MAP2K6: variants seen among roughly 807,000 people sequenced by gnomAD.
MAP2K6 encodes dual specificity mitogen-activated protein kinase kinase 6.
A neutral mutation model predicts 53.7 loss-of-function variants in MAP2K6; 16 were observed. That is an observed-to-expected ratio of 0.30 (90% CI 0.20 to 0.45). MAP2K6 has a LOEUF of 0.45. Among genes scored for constraint, MAP2K6 ranks in the 20% least tolerant of loss-of-function variants. MAP2K6 has a pLI of 1.00. For synonymous variants in MAP2K6, 132 were observed against 143.1 expected (o/e 0.92, Z 0.55); for missense variants, 204 against 411.9 (o/e 0.50, Z 4.37).
At chr17:69,438,094 G>T (rs1045222367) in intron 1 of MAP2K6, among the ~76,000 whole-genome samples, 2 of 152,274 alleles carry the variant, frequency 1.3e-5, no homozygotes, top group Admixed American at 1.3e-4. Flanking sequence ...TGTTGCTCCT[G>T]TGGTGGAATC....
chr17:69,512,058 C>T (rs1909849515), intron 2 of MAP2K6, among the ~76,000 whole-genome samples: 1 of 151,814 alleles, frequency 6.6e-6, no homozygotes, highest in African/African-American at 2.4e-5. Flanking sequence ...ATATGAGTGT[C>T]TAGTGTAGTG....
chr17:69,449,525 T>TTG (rs1907103069), intron 1 of MAP2K6, among the ~76,000 whole-genome samples: 1 of 116,168 alleles, frequency 8.6e-6, no homozygotes. Context: ...TTGTCTTTCT[T>TTG]TCTTTGTCTT....
chr17:69,518,754 A>C (rs1168981750), intron 4 of MAP2K6, among the ~76,000 whole-genome samples: 3 of 152,238 alleles, frequency 2.0e-5, no homozygotes, highest in Admixed American at 2.0e-4. Context: ...CCTATCATTT[A>C]ATGACATAAT....
intron 1 of MAP2K6, among the ~76,000 whole-genome samples, chr17:69,436,491 G>C (rs939391081): frequency 6.6e-6 from 1 of 152,178 alleles, no homozygotes. Flanking sequence ...TTTATCCTCA[G>C]ATTCAGGCTC....
chr17:69,537,618 A>G (rs190666361), intron 11 of MAP2K6, among the ~76,000 whole-genome samples: 18 of 152,318 alleles, frequency 1.2e-4, no homozygotes, highest in African/African-American at 3.8e-4. Flanking sequence ...GTTACAGCCA[A>G]TCACATAGGT....
At chr17:69,496,866 C>G (rs1047551974) in intron 1 of MAP2K6, among the ~76,000 whole-genome samples, 24 of 152,126 alleles carry the variant, frequency 1.6e-4, no homozygotes, top group Non-Finnish European at 2.9e-4. Context: ...TGCCCTTTCC[C>G]CACTGGCCAC....
At chr17:69,422,159 T>A (rs1476336270) in intron 1 of MAP2K6, among the ~76,000 whole-genome samples, 4 of 103,838 alleles carry the variant, frequency 3.9e-5, no homozygotes, top group Non-Finnish European at 7.6e-5. Flanking sequence ...TGAGATGGGG[T>A]CTTGCTCTGT....
At position 69,542,948 on chromosome 17, in the gene MAP2K6, T is replaced by G. The variant is rs567074284; in HGVS notation, c.*1195T>G. On this transcript the variant is annotated 3_prime_UTR_variant, in exon 12 of 12. Transcript: ENST00000590474. The stretch of plus-strand genomic sequence containing the variant: ...GAAAGGTTGAATTAATTCCTGGGCA[T>G]GGACTACCAGATGACCACAAGTTGC... 1 of 152,364 alleles carries G rather than the reference T, an allele frequency of 6.6e-6. No homozygotes were observed. Among genetic ancestry groups the G allele is most frequent in the South Asian group, 2.1e-4 (1 of 4,832 alleles). 9.4% of individuals were successfully genotyped at this position (152,364 alleles called of 1,614,324 possible). A position where few individuals can be genotyped will look rare whatever the true frequency, so the allele number is the denominator to read the frequency against.
At chr17:69,523,830 G>T (rs536544905) in intron 8 of MAP2K6, among the ~76,000 whole-genome samples, 189 bp downstream of exon 8, 1 of 152,246 alleles carries the variant, frequency 6.6e-6, no homozygotes, top group East Asian at 1.9e-4. Flanking sequence ...TATTGTCTTA[G>T]TTTGTTCAGG....
At chr17:69,524,825 A>C in intron 8 of MAP2K6, 76 bp from the exon 9 acceptor site, 1 of 1,120,128 alleles carries the variant, frequency 8.9e-7, no homozygotes, top group Admixed American at 1.7e-5. Context: ...TGCTACCCCC[A>C]TCCCCAGAGA....
intron 1 of MAP2K6, among the ~76,000 whole-genome samples, chr17:69,499,310 A>G (rs934221986): frequency 6.6e-6 from 1 of 152,250 alleles, no homozygotes; most frequent in African/African-American, 2.4e-5. Context: ...TAAACATGGA[A>G]GGGACAAAAG....
At chr17:69,531,466 C>G (rs1480095965) in intron 10 of MAP2K6, among the ~76,000 whole-genome samples, 2 of 152,146 alleles carry the variant, frequency 1.3e-5, no homozygotes, top group Non-Finnish European at 2.9e-5. Flanking sequence ...GGTAGCCACT[C>G]TTGTCTGGCC....
chr17:69,497,269 T>C (rs1300171102), intron 1 of MAP2K6, among the ~76,000 whole-genome samples: 3 of 152,324 alleles, frequency 2.0e-5, no homozygotes, highest in Non-Finnish European at 4.4e-5. Flanking sequence ...TTCAGGGTAC[T>C]GTGGCAACAC....
At chr17:69,480,981 G>A (rs1472290805) in intron 1 of MAP2K6, among the ~76,000 whole-genome samples, 1 of 152,094 alleles carries the variant, frequency 6.6e-6, no homozygotes, top group Non-Finnish European at 1.5e-5. Flanking sequence ...TTTGAAAGAT[G>A]TTTAAATTGT....
intron 1 of MAP2K6, among the ~76,000 whole-genome samples, chr17:69,491,127 C>T (rs1469323075): frequency 4.0e-5 from 6 of 150,202 alleles, no homozygotes; most frequent in Admixed American, 4.0e-4. Flanking sequence ...TTCCTTCCTT[C>T]CTTCCTTTCT....
At chr17:69,435,817 G>A (rs1171197455) in intron 1 of MAP2K6, among the ~76,000 whole-genome samples, 4 of 151,836 alleles carry the variant, frequency 2.6e-5, no homozygotes, top group East Asian at 3.9e-4. Flanking sequence ...ATAGGCACCC[G>A]CCACCATGCC....
Position 69,526,692 on chromosome 17 carries a change from T to C in MAP2K6, c.864T>C (p.Val288=). ...CAGACAAGTTCTCTGCAGAGTTTGT[T>C]GACTTTACCTCACAGTGGTAAGACA... ...LPADKFSAEF[V]DFTSQCLKKN... The change falls in exon 10 of 12, where the codon GTT becomes GTC. Residue 288 remains valine (V), a synonymous_variant. Coordinates refer to ENST00000590474, the MANE Select transcript of MAP2K6 (RefSeq NM_002758.4). 6.2e-7 allele frequency: 1 copy of C among 1,613,560 alleles called. No individual in the cohort carries two copies. The highest frequency in any genetic ancestry group is 8.5e-7 in the Non-Finnish European group (1 of 1,179,972).
At chr17:69,541,571 T>C in intron 11 of MAP2K6, 105 bp from the exon 12 acceptor site, 1 of 780,132 alleles carries the variant, frequency 1.3e-6, no homozygotes, top group Middle Eastern at 2.5e-4. Flanking sequence ...CTAGCTCTGA[T>C]AGGGATACTT....
chr17:69,512,504 TAA>T (rs915410895), intron 2 of MAP2K6, among the ~76,000 whole-genome samples: 44 of 151,830 alleles, frequency 2.9e-4, no homozygotes, highest in African/African-American at 9.9e-4. Context: ...CATGCCCAGC[TAA>T]GTTTGTATTT....
Sources: gnomAD v4.1 joint callset for allele counts (sites outside exome capture counted in the v4.1 genomes callset) on GRCh38, gnomAD v4.1.1 for gene constraint, MANE v1.5 for transcripts, NCBI Gene and HGNC (gene_info 2026-07-23, HGNC 2026-07-21) for gene names.